GET4: variants seen among roughly 807,000 people sequenced by gnomAD.
GET4 encodes guided entry of tail-anchored proteins factor 4.
Under a neutral mutation model 40.0 loss-of-function variants are expected in GET4, and 20 were observed. The observed-to-expected ratio is 0.50, with a 90% CI of 0.35 to 0.73. The LOEUF (loss-of-function observed/expected upper bound fraction) is 0.73. Among genes scored for constraint, GET4 ranks in the 30% least tolerant of loss-of-function variants. GET4 has a pLI of 0.01. For missense variants in GET4, 557 were observed against 454.0 expected (o/e 1.23, Z -2.06); for synonymous variants, 280 against 194.6 (o/e 1.44, Z -3.65).
At chr7:890,827 C>A in intron 4 of GET4, 101 bp from the exon 5 acceptor site, 1 of 939,108 alleles carries the variant, frequency 1.1e-6, no homozygotes, top group Non-Finnish European at 1.7e-6. Flanking sequence ...TCCTCCAGGG[C>A]GGGCAGGTGG....
Position 893,929 on chromosome 7 carries a change from G to C in GET4, c.853G>C (p.Gly285Arg). ...CGACCGCATAGGACAGCTGTTCTTC[G>C]GCGTCCCGCCCAAGCAGACGTCTTC... ...YLDRIGQLFFGVPPKQTSSYG... is the reference protein window; with the variant it reads ...YLDRIGQLFFRVPPKQTSSYG... Residue 285 changes from glycine (G) to arginine (R), a missense_variant, in exon 8 of 9, where the codon GGC (glycine) becomes CGC (arginine). By Grantham distance (125) the Gly-to-Arg change is moderately radical. Coordinates refer to ENST00000265857, the MANE Select transcript of GET4 (RefSeq NM_015949.3). The C allele has an allele frequency of 6.2e-7, 1 of 1,608,628 alleles. No individual in the cohort carries two copies. The highest frequency in any genetic ancestry group is 1.7e-5 in the Admixed American group (1 of 59,768).
intron 1 of GET4, chr7:883,839 TAGAC>T: frequency 9.8e-7 from 1 of 1,019,082 alleles, no homozygotes; most frequent in Non-Finnish European, 1.2e-6. Context: ...AGAGCCGCCT[TAGAC>T]GGTTTGCCTG....
intron 1 of GET4, chr7:881,666 A>G (rs1844089911): frequency 6.6e-6 from 1 of 152,014 alleles, no homozygotes; most frequent in Non-Finnish European, 1.5e-5. Flanking sequence ...GGCTTTGTTG[A>G]TTTATTTTTA....
intron 5 of GET4, among the ~76,000 whole-genome samples, chr7:891,940 G>A (rs190507742): frequency 3.3e-5 from 5 of 152,394 alleles, no homozygotes; most frequent in Admixed American, 6.5e-5. Flanking sequence ...GGGCCATGGC[G>A]GAGTGTTCTG....
At position 887,528 on chromosome 7, in the gene GET4, G is replaced by A. The variant is rs374175079; in HGVS notation, c.466+9G>A. The A allele has an allele frequency of 1.2e-4, 176 of 1,523,876 alleles. No individual in the cohort carries two copies. Among genetic ancestry groups the A allele is most frequent in the Non-Finnish European group, 1.5e-4 (173 of 1,137,774 alleles). 94.4% of individuals were successfully genotyped at this position (1,523,876 alleles called of 1,614,324 possible). A position where few individuals can be genotyped will look rare whatever the true frequency, so the allele number is the denominator to read the frequency against. Reference sequence around the variant, plus strand: ...CCTCACCCTGTGGAAAGGTAGGCCTGGGGCCAGGGCAGGCGTGGGCACCTC... The same window carrying A: ...CCTCACCCTGTGGAAAGGTAGGCCTAGGGCCAGGGCAGGCGTGGGCACCTC... On this transcript the variant is annotated intron_variant, in intron 4 of 8. Transcript: ENST00000265857.
intron 5 of GET4, among the ~76,000 whole-genome samples, chr7:891,493 C>T (rs549761915): frequency 6.7e-6 from 1 of 149,440 alleles, no homozygotes; most frequent in African/African-American, 2.5e-5. Flanking sequence ...CCTGCGTGGT[C>T]CCTTCCGCCA....
At chr7:886,255 G>T in intron 2 of GET4, 121 bp downstream of exon 2, 2 of 686,048 alleles carry the variant, frequency 2.9e-6, no homozygotes, top group Non-Finnish European at 5.2e-6. Flanking sequence ...GGCCACTGGG[G>T]CTGTGGGTGG....
Position 890,931 on chromosome 7 carries a change from A to G in GET4, c.470A>G (p.Gln157Arg). Residue 157 changes from glutamine to arginine, a missense_variant, in exon 5 of 9, where the codon CAA becomes CGA. Gln to Arg is a conservative substitution (Grantham distance 43, BLOSUM62 1). Transcript: ENST00000265857. Reference protein sequence around the residue: ...QLLALTLWKEQNYCESRYHFL... With the variant: ...QLLALTLWKERNYCESRYHFL... ...TTTTTCTGTCTTTCCTTTGCAGAACAAAACTATTGTGAGTCGAGGTATCAT... is the reference window on the plus strand; with the variant it reads ...TTTTTCTGTCTTTCCTTTGCAGAACGAAACTATTGTGAGTCGAGGTATCAT... The G allele has an allele frequency of 1.2e-6, 2 of 1,604,670 alleles. No homozygotes were observed. The highest frequency in any genetic ancestry group is 1.7e-6 in the Non-Finnish European group (2 of 1,171,650).
At chr7:881,642 C>T (rs61100992) in intron 1 of GET4, 1 of 152,104 alleles carries the variant, frequency 6.6e-6, no homozygotes, top group East Asian at 1.9e-4. Flanking sequence ...ATTTTAGCCT[C>T]GGGCAGGTGT....
At position 896,327 on chromosome 7, in the gene GET4, T is replaced by TA. The variant is rs1316763958; in HGVS notation, c.*906dup. On this transcript the variant is annotated 3_prime_UTR_variant, in exon 9 of 9. Transcript: ENST00000265857. ...CAGTTAAATGACAGTTGTAGATTGA[T>TA]ACGCAGTTGTGCATGGGAAGGGGAA... The TA allele has an allele frequency of 1.3e-5, 2 of 152,254 alleles. No individual in the cohort carries two copies. The highest frequency in any genetic ancestry group is 4.8e-5 in the African/African-American group (2 of 41,452). 9.4% of individuals were successfully genotyped at this position (152,254 alleles called of 1,614,324 possible). A position where few individuals can be genotyped will look rare whatever the true frequency, so the allele number is the denominator to read the frequency against.
At chr7:891,105 C>T (rs1214868164) in intron 5 of GET4, 39 bp downstream of exon 5, 16 of 1,533,842 alleles carry the variant, frequency 1.0e-5, no homozygotes, top group East Asian at 2.3e-5. Flanking sequence ...GCTTCCATTG[C>T]TGCCTTGGCT....
chr7:877,450 C>T, intron 1 of GET4, among the ~76,000 whole-genome samples: 1 of 109,110 alleles, frequency 9.2e-6, no homozygotes, highest in Non-Finnish European at 1.9e-5. Context: ...CGTCTCTCTA[C>T]CCTGCCTCCC....
intron 1 of GET4, among the ~76,000 whole-genome samples, chr7:877,612 C>T (rs1245872839): frequency 3.6e-5 from 5 of 140,470 alleles, no homozygotes; most frequent in Non-Finnish European, 7.7e-5. Flanking sequence ...CTGGACCTCC[C>T]CCACCTCTCC....
rs1844343780 is a variant in GET4 at position 892,301 on chromosome 7, G to C, written c.629G>C (p.Ser210Thr). 1.3e-6 allele frequency: 2 copies of C among 1,589,318 alleles called. No individual in the cohort carries two copies. Among genetic ancestry groups the C allele is most frequent in the Non-Finnish European group, 1.7e-6 (2 of 1,159,082 alleles). Residue 210 changes from serine to threonine, a missense_variant, in exon 6 of 9, where the codon AGT becomes ACT. Ser to Thr is a moderately conservative substitution (Grantham distance 58). Transcript: ENST00000265857. ...VLQFLCLKNK[S>T]SASVVFTTYT... Reference sequence around the variant, plus strand: ...AGGTTTCTCTGTTTAAAAAACAAAAGTAGCGCATCGGTGGTCTTCACGACG... The same window carrying C: ...AGGTTTCTCTGTTTAAAAAACAAAACTAGCGCATCGGTGGTCTTCACGACG...
chr7:886,401 G>C (rs754867686), intron 2 of GET4, 168 bp from the exon 3 acceptor site: 3 of 631,872 alleles, frequency 4.7e-6, no homozygotes, highest in Admixed American at 5.6e-5. Context: ...TGTGATTCTC[G>C]GCCAGGAGCT....
intron 1 of GET4, among the ~76,000 whole-genome samples, 195 bp downstream of exon 1, chr7:876,995 C>T (rs1265417746): frequency 1.3e-5 from 2 of 151,940 alleles, no homozygotes; most frequent in Non-Finnish European, 1.5e-5. Context: ...GGCCCGGCGC[C>T]CCCGTTCCCT....
intron 1 of GET4, chr7:883,435 A>C (rs1844125757): frequency 8.5e-6 from 7 of 821,986 alleles, no homozygotes; most frequent in African/African-American, 1.8e-5. Context: ...AGTCTCGGCC[A>C]CTAGTTCTAA....
chr7:887,401 C>A lies in GET4; in HGVS notation c.348C>A (p.Asp116Glu). 6.3e-7 allele frequency: 1 copy of A among 1,598,174 alleles called. No individual in the cohort carries two copies. Reference sequence around the variant, plus strand: ...TGGCTAAAGTGTTCAGCCTGATGGACCCCAACTCTCCTGAGCGCGTGACCT... The same window carrying A: ...TGGCTAAAGTGTTCAGCCTGATGGAACCCAACTCTCCTGAGCGCGTGACCT... ...ENLAKVFSLM[D>E]PNSPERVTFV... The change falls in exon 4 of 9, where the codon GAC (aspartate) becomes GAA (glutamate). Residue 116 changes from aspartate to glutamate, a missense_variant. Asp to Glu is a conservative substitution (Grantham distance 45, BLOSUM62 2). Transcript: ENST00000265857.
Position 890,946 on chromosome 7 carries a change from C to T in GET4, c.485C>T (p.Ser162Leu), listed in dbSNP as rs766339874. ...TTTGCAGAACAAAACTATTGTGAGT[C>T]GAGGTATCATTTTCTGCACTCAGCG... The part of the protein sequence containing the change: ...TLWKEQNYCE[S>L]RYHFLHSADG... Residue 162 changes from serine to leucine, a missense_variant, in exon 5 of 9, where the codon TCG (serine) becomes TTG (leucine). Transcript: ENST00000265857. 1 of 1,606,004 alleles carries T rather than the reference C, an allele frequency of 6.2e-7. No individual in the cohort carries two copies. The highest frequency in any genetic ancestry group is 8.5e-7 in the Non-Finnish European group (1 of 1,172,952).
Sources: allele counts gnomAD v4.1 joint callset (sites outside exome capture counted in the v4.1 genomes callset), GRCh38; gene constraint gnomAD v4.1.1; transcripts MANE v1.5; gene names NCBI Gene and HGNC (gene_info 2026-07-23, HGNC 2026-07-21).